Variants in PLXDC1 observed in about 807,000 individuals in gnomAD.
The protein encoded by PLXDC1 is plexin domain-containing protein 1.
A neutral mutation model predicts 61.3 loss-of-function variants in PLXDC1; 39 were observed. The ratio of observed to expected loss-of-function variants is 0.64; its 90% CI spans 0.49 to 0.83. PLXDC1 has a LOEUF of 0.83. Ranked by LOEUF, PLXDC1 falls within the 40% of genes least tolerant of loss-of-function variation. The pLI is 0.00. For missense variants in PLXDC1, 596 were observed against 666.5 expected, an observed-to-expected ratio of 0.89 and a Z score of 1.17; for synonymous variants, 212 against 254.5, an observed-to-expected ratio of 0.83 and a Z score of 1.59.
At chr17:39,128,309 C>T (rs1046737538) in intron 2 of PLXDC1, among the ~76,000 whole-genome samples, 3 of 151,286 alleles carry the variant, frequency 2.0e-5, no homozygotes, top group African/African-American at 7.3e-5. Flanking sequence ...CCTCCACCTC[C>T]TGGGTTCAAG....
rs570085362 is a variant in PLXDC1, at chr17:39,096,756, C to T, written c.812-9054G>A. ...ACTAATTCAGAATCCCTGTCAGTTTCGATGTTGGCAATGCTAAAGTTGCTT... is the reference window on the plus strand; with the variant it reads ...ACTAATTCAGAATCCCTGTCAGTTTTGATGTTGGCAATGCTAAAGTTGCTT... On this transcript the variant is annotated intron_variant, in intron 7 of 13. Coordinates refer to ENST00000315392, the MANE Select transcript of PLXDC1 (RefSeq NM_020405.5). 1.7e-5 allele frequency: 6 copies of T among 359,972 alleles called. No individual in the cohort carries two copies. The East Asian group carries it at 3.0e-4, about 18-fold the overall frequency. 22.3% of individuals were successfully genotyped at this position (359,972 alleles called of 1,614,324 possible). A position where few individuals can be genotyped will look rare whatever the true frequency, so the allele number is the denominator to read the frequency against.
chr17:39,095,977 G>C (rs1910181182), intron 7 of PLXDC1, among the ~76,000 whole-genome samples: 1 of 152,156 alleles, frequency 6.6e-6, no homozygotes, highest in African/African-American at 2.4e-5. Flanking sequence ...AACAAGTAAT[G>C]TTAATGGTTC....
At chr17:39,116,180 G>C (rs1038943946) in intron 2 of PLXDC1, among the ~76,000 whole-genome samples, 2 of 152,172 alleles carry the variant, frequency 1.3e-5, no homozygotes, top group Admixed American at 1.3e-4. Flanking sequence ...TCCACTCAAA[G>C]ACAGTGACCT....
At chr17:39,069,588 G>A (rs543854605) in intron 13 of PLXDC1, among the ~76,000 whole-genome samples, 3 of 152,284 alleles carry the variant, frequency 2.0e-5, no homozygotes, top group South Asian at 4.1e-4. Flanking sequence ...TTCCTCTGGG[G>A]ATTTTTTCTG....
intron 11 of PLXDC1, chr17:39,073,239 C>T (rs999705532): frequency 2.0e-5 from 3 of 152,262 alleles, no homozygotes; most frequent in African/African-American, 7.2e-5. Flanking sequence ...GTTGCCCAGG[C>T]TGGTCTCCAA....
intron 7 of PLXDC1, among the ~76,000 whole-genome samples, chr17:39,100,351 G>A (rs1910379578): frequency 6.6e-6 from 1 of 152,170 alleles, no homozygotes; most frequent in Non-Finnish European, 1.5e-5. Context: ...CGCCCCTCGG[G>A]TTCAAGCGAT....
At chr17:39,133,052 G>A (rs891966274) in intron 2 of PLXDC1, among the ~76,000 whole-genome samples, 41 of 152,002 alleles carry the variant, frequency 2.7e-4, no homozygotes, top group Non-Finnish European at 1.0e-4. Context: ...ACCCTCTGCC[G>A]CCAACCCATC....
At chr17:39,141,607 A>G (rs1331935008) in intron 1 of PLXDC1, among the ~76,000 whole-genome samples, 1 of 152,228 alleles carries the variant, frequency 6.6e-6, no homozygotes, top group Non-Finnish European at 1.5e-5. Context: ...TGGGTGTACA[A>G]ATATCTCTTT....
intron 2 of PLXDC1, 48 bp from the exon 3 acceptor site, chr17:39,109,439 T>C (rs1314542972): frequency 1.3e-6 from 2 of 1,543,272 alleles, no homozygotes; most frequent in Admixed American, 4.1e-5. Flanking sequence ...GTAGTCAGCA[T>C]GCCAGGACTG....
At chr17:39,109,096 A>G in intron 3 of PLXDC1, 123 bp from the exon 4 acceptor site, 2 of 1,276,728 alleles carry the variant, frequency 1.6e-6, no homozygotes, top group Non-Finnish European at 2.2e-6. Flanking sequence ...ACTGCTGGGC[A>G]CCCCAACTCT....
At chr17:39,091,263 C>G (rs962231454) in intron 7 of PLXDC1, among the ~76,000 whole-genome samples, 13 of 152,160 alleles carry the variant, frequency 8.5e-5, no homozygotes, top group African/African-American at 3.1e-4. Flanking sequence ...TCCCACGCCC[C>G]CTCTGAGGGC....
At chr17:39,107,592 C>G (rs776400826) in intron 5 of PLXDC1, 67 bp from the exon 6 acceptor site, 1 of 1,180,976 alleles carries the variant, frequency 8.5e-7, no homozygotes, top group South Asian at 1.2e-5. Flanking sequence ...TACAGAAATG[C>G]CAGTCGGAGG....
Position 39,087,850 on chromosome 17 carries a change from G to A in PLXDC1, c.812-148C>T, listed in dbSNP as rs1241270470. The A allele has an allele frequency of 1.1e-5, 7 of 650,634 alleles. No homozygotes were observed. The Admixed American group carries it at 1.4e-4, about 13-fold the overall frequency. The allele number at this position is 650,634 out of a possible 1,614,324, so 40.3% of individuals were successfully genotyped here. ...TGGGACAATGATGTTGGCGCTGCTG[G>A]AGACAGGGACAGGTGCGGACCTGGA... On this transcript the variant is annotated intron_variant, in intron 7 of 13. Transcript: ENST00000315392.
intron 2 of PLXDC1, among the ~76,000 whole-genome samples, chr17:39,129,711 G>GAAGGAAGGAAAGAAA (rs1249381083): frequency 1.2e-4 from 13 of 108,256 alleles, no homozygotes; most frequent in African/African-American, 4.6e-4. Flanking sequence ...AAAGAAAGAA[G>GAAGGAAGGAAAGAAA]GAAAGAAAGA....
At chr17:39,096,249 AGG>A (rs1330310352) in intron 7 of PLXDC1, among the ~76,000 whole-genome samples, 2 of 152,198 alleles carry the variant, frequency 1.3e-5, no homozygotes. Flanking sequence ...GGGGAGAAGT[AGG>A]GGGGTCCCTC....
chr17:39,120,671 G>A (rs2143780038), intron 2 of PLXDC1, among the ~76,000 whole-genome samples: 1 of 140,996 alleles, frequency 7.1e-6, no homozygotes, highest in Admixed American at 7.3e-5. Context: ...TGCAGCCTCA[G>A]TCCTCGACCT....
chr17:39,131,817 G>A (rs189130356), intron 2 of PLXDC1: 17 of 152,880 alleles, frequency 1.1e-4, no homozygotes, highest in Admixed American at 6.5e-5. Flanking sequence ...TGCCCCCTGT[G>A]GTTTGTGCGA....
At chr17:39,075,871 A>G (rs1001719214) in intron 11 of PLXDC1, among the ~76,000 whole-genome samples, 2 of 152,196 alleles carry the variant, frequency 1.3e-5, no homozygotes, top group African/African-American at 4.8e-5. Context: ...TGAGGTCAGG[A>G]GTTTAAGACC....
chr17:39,132,294 C>G (rs1475070913), intron 2 of PLXDC1, among the ~76,000 whole-genome samples: 1 of 151,916 alleles, frequency 6.6e-6, no homozygotes, highest in South Asian at 2.1e-4. Flanking sequence ...CCCAGGGTCT[C>G]TGACTCAGCA....
Sources: allele counts gnomAD v4.1 joint callset (sites outside exome capture counted in the v4.1 genomes callset), GRCh38; gene constraint gnomAD v4.1.1; transcripts MANE v1.5; gene names NCBI Gene and HGNC (gene_info 2026-07-23, HGNC 2026-07-21).